Variants in CLIP1 observed in about 807,000 individuals in gnomAD.
The protein encoded by CLIP1 is CAP-Gly domain containing linker protein 1, also known as CAP-Gly domain-containing linker protein 1.
A neutral mutation model predicts 161.6 loss-of-function variants in CLIP1; 66 were observed. That is an observed-to-expected ratio of 0.41 (90% CI 0.33 to 0.50). CLIP1 has a LOEUF of 0.50. CLIP1 is among the 20% of genes least tolerant of loss of function. CLIP1 has a pLI of 0.27. For missense variants in CLIP1, 1,376 were observed against 1,702.0 expected, an observed-to-expected ratio of 0.81 and a Z score of 3.37; for synonymous variants, 598 against 626.2, an observed-to-expected ratio of 0.96 and a Z score of 0.67.
At chr12:122,273,509 C>G (rs1172092736) in intron 25 of CLIP1, among the ~76,000 whole-genome samples, 2 of 152,146 alleles carry the variant, frequency 1.3e-5, no homozygotes, top group Non-Finnish European at 2.9e-5. Context: ...CCTCGGCCTC[C>G]CAAAGTGCTG....
In CLIP1 at chr12:122,341,762, C is replaced by CCTTTTTTTT. The variant is rs1566143047; in HGVS notation, c.1507-66_1507-65insAAAAAAAAG. On this transcript the variant is annotated intron_variant, in intron 10 of 25. Transcript: ENST00000620786. ...AACAAGTCATTGACTATTTTCTTTT[C>CCTTTTTTTT]TTTTTTTTTTTTTTTTTTTTTTTTT... The CCTTTTTTTT allele has an allele frequency of 4.3e-4, 42 of 98,642 alleles. 1 individual carries two copies. Among genetic ancestry groups the CCTTTTTTTT allele is most frequent in the East Asian group, 1.0e-3 (6 of 5,770 alleles). The allele number at this position is 98,642 out of a possible 1,614,324, so 6.1% of individuals were successfully genotyped here.
chr12:122,316,954 G>A (rs1176085369), intron 18 of CLIP1, 99 bp from the exon 19 acceptor site: 13 of 721,772 alleles, frequency 1.8e-5, no homozygotes, highest in Non-Finnish European at 2.6e-5. Flanking sequence ...AAAGACAGAT[G>A]AAATTAGTCA....
At chr12:122,379,585 G>A (rs1366811098) in intron 2 of CLIP1, among the ~76,000 whole-genome samples, 2 of 151,160 alleles carry the variant, frequency 1.3e-5, no homozygotes, top group Admixed American at 6.6e-5. Context: ...AAACAAAGAA[G>A]CAAACAAAAA....
chr12:122,364,497 G>A (rs1041946477), intron 3 of CLIP1, among the ~76,000 whole-genome samples: 4 of 151,250 alleles, frequency 2.6e-5, no homozygotes, highest in South Asian at 2.1e-4. Flanking sequence ...TTGACCTCCC[G>A]GGCTAGGGGA....
rs1593077976 is a variant in CLIP1 at position 122,328,529 on chromosome 12, T to C, written c.2868-103A>G. 2.9e-5 allele frequency: 19 copies of C among 659,354 alleles called. No homozygotes were observed. In the East Asian group the frequency reaches 6.6e-4, roughly 23 times the overall value. 40.8% of individuals were successfully genotyped at this position (659,354 alleles called of 1,614,324 possible). Reference sequence around the variant, plus strand: ...TAATAATTGTAATTATTTTCAAAAGTTATGTGTAATTAATAACATCAGAAC... The same window carrying C: ...TAATAATTGTAATTATTTTCAAAAGCTATGTGTAATTAATAACATCAGAAC... On this transcript the variant is annotated intron_variant, in intron 15 of 25. Coordinates refer to ENST00000620786, the MANE Select transcript of CLIP1 (RefSeq NM_001247997.2).
intron 1 of CLIP1, among the ~76,000 whole-genome samples, chr12:122,388,273 G>A (rs1162766627): frequency 2.6e-5 from 4 of 151,156 alleles, no homozygotes; most frequent in South Asian, 2.1e-4. Flanking sequence ...AGGCTGGAGC[G>A]CAGTGGCGCG....
At chr12:122,358,340 C>T (rs1423240808) in intron 5 of CLIP1, among the ~76,000 whole-genome samples, 3 of 151,700 alleles carry the variant, frequency 2.0e-5, no homozygotes, top group Non-Finnish European at 4.4e-5. Flanking sequence ...AAACCAGAGA[C>T]CTTTGTTTAC....
At position 122,364,020 on chromosome 12, in the gene CLIP1, G is replaced by A; in HGVS notation, c.745C>T (p.Pro249Ser). 6.2e-7 allele frequency: 1 copy of A among 1,614,034 alleles called. No individual in the cohort carries two copies. The highest frequency in any genetic ancestry group is 8.5e-7 in the Non-Finnish European group (1 of 1,180,020). ...ACAGCGCCATCATTCTTCCCAAGTGGCTCATCTAACTCCACGCCACACCAC... is the reference window on the plus strand; with the variant it reads ...ACAGCGCCATCATTCTTCCCAAGTGACTCATCTAACTCCACGCCACACCAC... ...GEWCGVELDE[P>S]LGKNDGAVAG... Residue 249 changes from proline to serine, a missense_variant, in exon 4 of 26, where the codon CCA (proline) becomes TCA (serine). Coordinates refer to ENST00000620786, the MANE Select transcript of CLIP1 (RefSeq NM_001247997.2).
chr12:122,402,021 CAAATT>C (rs1488177914), intron 1 of CLIP1, among the ~76,000 whole-genome samples: 1 of 151,846 alleles, frequency 6.6e-6, no homozygotes, highest in African/African-American at 2.4e-5. Flanking sequence ...GTGTGAGTCT[CAAATT>C]AGATAATTAC....
At chr12:122,416,304 T>C (rs889756534) in intron 1 of CLIP1, among the ~76,000 whole-genome samples, 1 of 152,178 alleles carries the variant, frequency 6.6e-6, no homozygotes, top group Non-Finnish European at 1.5e-5. Context: ...CATCAAGTAC[T>C]GGGCTGGCCT....
chr12:122,361,299 T>C, intron 4 of CLIP1, 118 bp from the exon 5 acceptor site: 2 of 841,910 alleles, frequency 2.4e-6, no homozygotes, highest in Non-Finnish European at 1.8e-6. Context: ...ATTCTACAGC[T>C]AAGCTGGGGT....
At chr12:122,283,605 C>T (rs1955733982) in intron 21 of CLIP1, among the ~76,000 whole-genome samples, 1 of 151,830 alleles carries the variant, frequency 6.6e-6, no homozygotes, top group Non-Finnish European at 1.5e-5. Flanking sequence ...ATTCCAGGCA[C>T]CCGCCACCAC....
chr12:122,385,013 A>T (rs1004991657), intron 1 of CLIP1, among the ~76,000 whole-genome samples: 1 of 148,446 alleles, frequency 6.7e-6, no homozygotes, highest in Non-Finnish European at 1.5e-5. Flanking sequence ...GCTCTCTGCG[A>T]CCTCTGCCTC....
At chr12:122,356,984 G>A (rs577753156) in intron 5 of CLIP1, among the ~76,000 whole-genome samples, 5 of 152,206 alleles carry the variant, frequency 3.3e-5, no homozygotes, top group South Asian at 2.1e-4. Context: ...ATCTCGGCTC[G>A]CTACAACCTC....
At chr12:122,410,069 G>A (rs1342688571) in intron 1 of CLIP1, among the ~76,000 whole-genome samples, 1 of 150,200 alleles carries the variant, frequency 6.7e-6, no homozygotes, top group African/African-American at 2.4e-5. Flanking sequence ...ACAGGGTTTT[G>A]CTATGTTGGC....
intron 20 of CLIP1, among the ~76,000 whole-genome samples, chr12:122,289,679 T>C (rs1314458456): frequency 6.6e-6 from 1 of 152,218 alleles, no homozygotes; most frequent in African/African-American, 2.4e-5. Context: ...GGTTCTTTAT[T>C]ATCTCATGAA....
chr12:122,345,852 C>T (rs975592707), intron 10 of CLIP1, among the ~76,000 whole-genome samples: 2 of 151,148 alleles, frequency 1.3e-5, no homozygotes, highest in Admixed American at 6.6e-5. Context: ...ATGGCGTGAT[C>T]TCGGCTCACC....
chr12:122,394,857 T>TA (rs926939455), intron 1 of CLIP1, among the ~76,000 whole-genome samples: 30 of 150,952 alleles, frequency 2.0e-4, no homozygotes, highest in Admixed American at 1.1e-3. Context: ...GGCTCAAAAA[T>TA]AAAAAAAAAG....
intron 1 of CLIP1, among the ~76,000 whole-genome samples, chr12:122,389,886 G>C (rs1955518396): frequency 6.6e-6 from 1 of 150,914 alleles, no homozygotes; most frequent in South Asian, 2.1e-4. Context: ...GGCCCGGTGG[G>C]AGGTGTTTGG....
Sources: allele counts gnomAD v4.1 joint callset (sites outside exome capture counted in the v4.1 genomes callset), GRCh38; gene constraint gnomAD v4.1.1; transcripts MANE v1.5; gene names NCBI Gene and HGNC (gene_info 2026-07-23, HGNC 2026-07-21).